Variants in PDZRN4 observed in about 807,000 individuals in gnomAD.
PDZRN4 encodes the protein PDZ domain-containing RING finger protein 4.
A neutral mutation model predicts 99.0 loss-of-function variants in PDZRN4; 70 were observed. The ratio of observed to expected loss-of-function variants is 0.71; its 90% confidence interval spans 0.58 to 0.86. The LOEUF (loss-of-function observed/expected upper bound fraction) is 0.86. PDZRN4 is among the 40% of genes least tolerant of loss of function. The pLI, the probability that PDZRN4 is intolerant of heterozygous loss-of-function variation, is 0.00. For synonymous variants in PDZRN4, 551 were observed against 501.6 expected, an observed-to-expected ratio of 1.10 and a Z score of -1.32; for missense variants, 1,474 against 1,331.2, an observed-to-expected ratio of 1.11 and a Z score of -1.67.
chr12:41,294,764 T>C (rs1358287605), intron 3 of PDZRN4, among the ~76,000 whole-genome samples: 3 of 152,138 alleles, frequency 2.0e-5, no homozygotes, highest in African/African-American at 7.2e-5. Flanking sequence ...TAAAGTCCTA[T>C]TGTAAATCTG....
chr12:41,495,497 T>G (rs1937981570), intron 3 of PDZRN4, among the ~76,000 whole-genome samples: 3 of 152,070 alleles, frequency 2.0e-5, no homozygotes, highest in Admixed American at 6.6e-5. Flanking sequence ...GATACCATTT[T>G]ACAGCTCTCT....
Position 41,547,540 on chromosome 12 carries a change from C to T in PDZRN4, c.1204-5116C>T, listed in dbSNP as rs1038308110. 6.6e-5 allele frequency among the ~76,000 whole-genome samples: 10 copies of T among 152,100 alleles called. No individual in the cohort carries two copies. In the Middle Eastern group the frequency reaches 0.014, roughly 207 times the overall value. On this transcript the variant is annotated intron_variant, in intron 5 of 9. Transcript: ENST00000402685. ...ACTAAGGAGGCTGAGACAGGAGACT[C>T]GCTTGAACCTGGGAGTGGAGGTTGC...
At chr12:41,342,140 A>G (rs1178239468) in intron 3 of PDZRN4, among the ~76,000 whole-genome samples, 1 of 151,932 alleles carries the variant, frequency 6.6e-6, no homozygotes, top group Non-Finnish European at 1.5e-5. Context: ...GTAATTAGAT[A>G]TTCACATCCA....
intron 3 of PDZRN4, among the ~76,000 whole-genome samples, chr12:41,359,465 G>C (rs1951950178): frequency 6.6e-6 from 1 of 151,940 alleles, no homozygotes; most frequent in Non-Finnish European, 1.5e-5. Flanking sequence ...CACTGACATG[G>C]TTTGGTTGTG....
At chr12:41,383,395 T>C (rs1444523262) in intron 3 of PDZRN4, among the ~76,000 whole-genome samples, 1 of 152,208 alleles carries the variant, frequency 6.6e-6, no homozygotes, top group African/African-American at 2.4e-5. Context: ...AAGTTGTCAA[T>C]AGAAATAAAT....
intron 3 of PDZRN4, among the ~76,000 whole-genome samples, chr12:41,398,128 A>G (rs956003015): frequency 2.0e-5 from 3 of 152,254 alleles, no homozygotes; most frequent in East Asian, 1.9e-4. Context: ...TGCTATTACT[A>G]TTACTAATCT....
chr12:41,343,989 T>A (rs896859206), intron 3 of PDZRN4, among the ~76,000 whole-genome samples: 4 of 152,230 alleles, frequency 2.6e-5, no homozygotes, highest in South Asian at 2.1e-4. Flanking sequence ...TGTAATTATG[T>A]TAGGTCCAAT....
chr12:41,254,971 C>T lies in PDZRN4; in HGVS notation c.843+60783C>T, dbSNP rs145474328. On this transcript the variant is annotated intron_variant, in intron 3 of 9. Transcript: ENST00000402685. Reference sequence around the variant, plus strand: ...TAGCCAGGCATGCTGGTGCAGCTACCTGGGAGGCTGAAGTGGGAGGATTGC... The same window carrying T: ...TAGCCAGGCATGCTGGTGCAGCTACTTGGGAGGCTGAAGTGGGAGGATTGC... Among the ~76,000 whole-genome samples, 75 of 152,132 alleles carry T rather than the reference C, an allele frequency of 4.9e-4. 3 individuals are homozygous for T. Among genetic ancestry groups the T allele is most frequent in the African/African-American group, 1.7e-3 (70 of 41,518 alleles).
At position 41,552,730 on chromosome 12, in the gene PDZRN4, A is replaced by C; in HGVS notation, c.1278A>C (p.Glu426Asp). The C allele has an allele frequency of 6.2e-6, 10 of 1,613,672 alleles. No individual in the cohort carries two copies. The highest frequency in any genetic ancestry group is 8.5e-6 in the Non-Finnish European group (10 of 1,179,646). The change falls in exon 6 of 10, where the codon GAA becomes GAC. Residue 426 changes from glutamate to aspartate, a missense_variant. Transcript: ENST00000402685. Reference sequence around the variant, plus strand: ...TCTGTTACCGAACAGATGATGAAGAAGACACCGGCATTTATGTCAGCGAGG... The same window carrying C: ...TCTGTTACCGAACAGATGATGAAGACGACACCGGCATTTATGTCAGCGAGG... Reference protein sequence around the residue: ...LTVCYRTDDEEDTGIYVSEVD... With the variant: ...LTVCYRTDDEDDTGIYVSEVD...
chr12:41,275,700 A>G (rs1951345912), intron 3 of PDZRN4, among the ~76,000 whole-genome samples: 1 of 152,308 alleles, frequency 6.6e-6, no homozygotes, highest in South Asian at 2.1e-4. Flanking sequence ...ATTACATATA[A>G]GGCTATAGAT....
rs59748972 is a variant in PDZRN4 at position 41,289,117 on chromosome 12, G to T, written c.843+94929G>T. ...TGTTACAACTGTGTAAATGAATTCT[G>T]AACAAAACTTCAGCCCTTTCTTTTT... On this transcript the variant is annotated intron_variant, in intron 3 of 9. Coordinates refer to ENST00000402685, the MANE Select transcript of PDZRN4 (RefSeq NM_001164595.2). Among the ~76,000 whole-genome samples, 668 of 151,940 alleles carry T rather than the reference G, an allele frequency of 4.4e-3. 13 individuals are homozygous for T. The East Asian group carries it at 0.058, about 13-fold the overall frequency.
intron 5 of PDZRN4, among the ~76,000 whole-genome samples, chr12:41,526,421 C>T (rs1188065236): frequency 6.6e-6 from 1 of 152,190 alleles, no homozygotes; most frequent in Non-Finnish European, 1.5e-5. Context: ...TAGCTTAAGG[C>T]TTTAACATAA....
intron 3 of PDZRN4, among the ~76,000 whole-genome samples, chr12:41,450,362 T>G (rs1269319157): frequency 6.6e-6 from 1 of 152,162 alleles, no homozygotes; most frequent in South Asian, 2.1e-4. Context: ...GATAGACAAC[T>G]CAGAGAGGGT....
chr12:41,519,331 T>C (rs1938453767), intron 5 of PDZRN4, among the ~76,000 whole-genome samples: 1 of 152,058 alleles, frequency 6.6e-6, no homozygotes, highest in Non-Finnish European at 1.5e-5. Context: ...GCTTTAGAGA[T>C]CACCTCTAAT....
chr12:41,274,529 G>T (rs1291097461), intron 3 of PDZRN4, among the ~76,000 whole-genome samples: 1 of 152,240 alleles, frequency 6.6e-6, no homozygotes, highest in Admixed American at 6.5e-5. Flanking sequence ...AGCAAATATA[G>T]TACCATAGAT....
intron 3 of PDZRN4, chr12:41,477,902 G>C: frequency 6.4e-7 from 1 of 1,551,598 alleles, no homozygotes; most frequent in East Asian, 2.3e-5. Context: ...TGGCATTGTT[G>C]ACATGTTGGC....
At chr12:41,326,150 A>ATTTTTGCATTT (rs112225105) in intron 3 of PDZRN4, among the ~76,000 whole-genome samples, 2 of 149,646 alleles carry the variant, frequency 1.3e-5, no homozygotes, top group Non-Finnish European at 3.0e-5. Context: ...CACTCGGCTA[A>ATTTTTGCATTT]TTTTTTTTTT....
rs2120835683 is a variant in PDZRN4, at chr12:41,563,652, C to T, written c.1467+3C>T. The stretch of plus-strand genomic sequence containing the variant: ...TTGTTGCAAGGCCAGAGATTCAGGT[C>T]AGAACAGAGATCAAAAGCCTTGAGA... On this transcript the variant is annotated splice_donor_region_variant and intron_variant, in intron 8 of 9. Coordinates refer to ENST00000402685, the MANE Select transcript of PDZRN4 (RefSeq NM_001164595.2). The T allele has an allele frequency of 6.2e-7, 1 of 1,603,396 alleles. No homozygotes were observed. Among genetic ancestry groups the T allele is most frequent in the East Asian group, 2.2e-5 (1 of 44,790 alleles).
chr12:41,430,877 T>C (rs1234168249), intron 3 of PDZRN4, among the ~76,000 whole-genome samples: 3 of 152,130 alleles, frequency 2.0e-5, no homozygotes, highest in Admixed American at 6.5e-5. Flanking sequence ...TCTGCTTCTG[T>C]GGAGGCTGCA....
Sources: allele counts gnomAD v4.1 joint callset (sites outside exome capture counted in the v4.1 genomes callset), GRCh38; gene constraint gnomAD v4.1.1; transcripts MANE v1.5; gene names NCBI Gene and HGNC (gene_info 2026-07-23, HGNC 2026-07-21).